PHACTR3: variants seen among roughly 807,000 people sequenced by gnomAD.
PHACTR3 encodes the protein protein phosphatase 1, regulatory subunit 123.
A neutral mutation model predicts 66.8 loss-of-function variants in PHACTR3; 16 were observed. The ratio of observed to expected loss-of-function variants is 0.24; its 90% CI spans 0.16 to 0.36. The LOEUF is 0.36. Ranked by LOEUF, PHACTR3 falls within the 10% of genes least tolerant of loss-of-function variation. The probability of loss-of-function intolerance (pLI) is 1.00; values close to 1 mark genes in which losing one functional copy is unlikely to be tolerated. For missense variants in PHACTR3, 647 were observed against 719.9 expected (o/e 0.90, Z 1.16); for synonymous variants, 323 against 292.1 (o/e 1.11, Z -1.08).
chr20:59,595,547 G>A (rs1448240163), intron 1 of PHACTR3, among the ~76,000 whole-genome samples: 1 of 152,200 alleles, frequency 6.6e-6, no homozygotes, highest in Non-Finnish European at 1.5e-5. Context: ...TGAGAAGAAT[G>A]GGTATTCTAC....
chr20:59,606,567 C>G (rs1417200828), intron 1 of PHACTR3, among the ~76,000 whole-genome samples: 2 of 152,176 alleles, frequency 1.3e-5, no homozygotes, highest in Non-Finnish European at 2.9e-5. Flanking sequence ...TTGCCTTTCT[C>G]TGGGTTGGAG....
intron 1 of PHACTR3, among the ~76,000 whole-genome samples, chr20:59,707,379 C>G (rs1052027280): frequency 2.6e-5 from 4 of 152,020 alleles, no homozygotes; most frequent in African/African-American, 4.8e-5. Context: ...GGGGCCCTCC[C>G]CATGGTGATG....
upstream of PHACTR3, among the ~76,000 whole-genome samples, chr20:59,602,454 A>G (rs75052137): frequency 2.7e-3 from 413 of 151,514 alleles, 9 homozygotes; most frequent in Middle Eastern, 0.017. Context: ...AAAAAAAAAA[A>G]AGAGAGAGAG....
chr20:59,587,741 T>C (rs2033073777), intron 1 of PHACTR3, among the ~76,000 whole-genome samples: 1 of 151,542 alleles, frequency 6.6e-6, no homozygotes, highest in South Asian at 2.1e-4. Flanking sequence ...CAGCTGGAGC[T>C]GGGGCTGGAG....
chr20:59,815,541 C>T (rs1160790386), intron 8 of PHACTR3, among the ~76,000 whole-genome samples: 3 of 151,734 alleles, frequency 2.0e-5, no homozygotes, highest in South Asian at 2.1e-4. Flanking sequence ...TCTCCTGCCT[C>T]AGCCTCCCAA....
chr20:59,681,914 G>T (rs1173818657), intron 1 of PHACTR3, among the ~76,000 whole-genome samples: 2 of 152,154 alleles, frequency 1.3e-5, no homozygotes, highest in Admixed American at 1.3e-4. Context: ...GGAGGCTGAG[G>T]CAGGAGAATC....
chr20:59,751,805 C>T (rs2146805895), intron 3 of PHACTR3, among the ~76,000 whole-genome samples: 1 of 152,122 alleles, frequency 6.6e-6, no homozygotes, highest in East Asian at 1.9e-4. Context: ...GCAGAGGGGA[C>T]CCCTCTGATC....
intron 6 of PHACTR3, 95 bp downstream of exon 6, chr20:59,773,548 C>T (rs2040427736): frequency 2.3e-6 from 3 of 1,294,308 alleles, no homozygotes; most frequent in Non-Finnish European, 3.1e-6. Flanking sequence ...AGGGCCTTGG[C>T]TGGGTGTCCC....
At chr20:59,732,625 G>A (rs1468025607) in intron 1 of PHACTR3, among the ~76,000 whole-genome samples, 1 of 152,132 alleles carries the variant, frequency 6.6e-6, no homozygotes, top group Non-Finnish European at 1.5e-5. Flanking sequence ...GCAGCCAGAA[G>A]AAGCCATGGC....
intron 1 of PHACTR3, among the ~76,000 whole-genome samples, chr20:59,659,870 G>C (rs1313256230): frequency 6.6e-6 from 1 of 152,174 alleles, no homozygotes; most frequent in Non-Finnish European, 1.5e-5. Flanking sequence ...AGCAGATGCA[G>C]GGGTCACAGA....
At chr20:59,648,206 G>A (rs1410574751) in intron 1 of PHACTR3, among the ~76,000 whole-genome samples, 9 of 152,152 alleles carry the variant, frequency 5.9e-5, no homozygotes, top group South Asian at 2.1e-4. Flanking sequence ...ATTGCTTCTC[G>A]TCCCTCTCAC....
chr20:59,765,233 CATA>C (rs1297407270), intron 4 of PHACTR3, among the ~76,000 whole-genome samples: 1 of 152,210 alleles, frequency 6.6e-6, no homozygotes, highest in African/African-American at 2.4e-5. Context: ...AGTCAGATGA[CATA>C]ATGACAGTCT....
At chr20:59,827,367 T>G (rs750372838) in intron 8 of PHACTR3, among the ~76,000 whole-genome samples, 20 of 152,154 alleles carry the variant, frequency 1.3e-4, no homozygotes, top group Non-Finnish European at 1.8e-4. Context: ...TCATCTCATC[T>G]GTATCCCAGG....
intron 3 of PHACTR3, among the ~76,000 whole-genome samples, chr20:59,753,889 A>G (rs1601273525): frequency 1.3e-5 from 2 of 152,254 alleles, no homozygotes; most frequent in African/African-American, 2.4e-5. Flanking sequence ...ACCAGGTCCT[A>G]TGGACCCTGA....
intron 7 of PHACTR3, among the ~76,000 whole-genome samples, chr20:59,798,321 T>A (rs2041312918): frequency 6.6e-6 from 1 of 152,244 alleles, no homozygotes; most frequent in Non-Finnish European, 1.5e-5. Flanking sequence ...AGTCCCTGTC[T>A]GTTAACACTA....
chr20:59,746,693 CTG>C (rs1301807365), intron 2 of PHACTR3, among the ~76,000 whole-genome samples: 3 of 152,252 alleles, frequency 2.0e-5, no homozygotes, highest in Admixed American at 1.3e-4. Flanking sequence ...TGGGCTGACT[CTG>C]TCTGTTCCCC....
chr20:59,709,382 C>A (rs2037832553), intron 1 of PHACTR3, among the ~76,000 whole-genome samples: 1 of 151,854 alleles, frequency 6.6e-6, no homozygotes, highest in South Asian at 2.1e-4. Flanking sequence ...GATTTTTAAC[C>A]ACAGGTGTGA....
At chr20:59,676,939 G>A (rs2036470095) in intron 1 of PHACTR3, among the ~76,000 whole-genome samples, 1 of 151,600 alleles carries the variant, frequency 6.6e-6, no homozygotes, top group Non-Finnish European at 1.5e-5. Context: ...GGGGTGAGGG[G>A]TGGGGGCTGC....
At chr20:59,692,605 G>A (rs779686135) in intron 1 of PHACTR3, among the ~76,000 whole-genome samples, 6 of 152,198 alleles carry the variant, frequency 3.9e-5, no homozygotes, top group East Asian at 3.8e-4. Context: ...TTCAAACAAC[G>A]CTTTGAGGTA....
Sources: allele counts gnomAD v4.1 joint callset (sites outside exome capture counted in the v4.1 genomes callset), GRCh38; gene constraint gnomAD v4.1.1; transcripts MANE v1.5; gene names NCBI Gene and HGNC (gene_info 2026-07-23, HGNC 2026-07-21).